The following ASB7 variants were observed in gnomAD, a reference collection of about 807,000 sequenced individuals.
ASB7 encodes the protein ankyrin repeat and SOCS box protein 7.
A neutral mutation model predicts 32.5 loss-of-function variants in ASB7; 4 were observed. The observed-to-expected ratio is 0.12, with a 90% CI of 0.06 to 0.28. The LOEUF (loss-of-function observed/expected upper bound fraction) is 0.28, where lower values mean the gene tolerates loss of function less well. Among genes scored for constraint, ASB7 ranks in the 10% least tolerant of loss-of-function variants. ASB7 has a pLI of 1.00. For synonymous variants in ASB7, 172 were observed against 155.6 expected (o/e 1.11, Z -0.78); for missense variants, 181 against 407.1 (o/e 0.44, Z 4.78).
At chr15:100,622,670 A>G (rs1161797714) in intron 4 of ASB7, among the ~76,000 whole-genome samples, 1 of 152,224 alleles carries the variant, frequency 6.6e-6, no homozygotes, top group African/African-American at 2.4e-5. Context: ...ATTTTCGACA[A>G]AGATAACAAG....
In ASB7 at chr15:100,619,540, G is replaced by T. The variant is rs190365965; in HGVS notation, c.211+7113G>T. Among the ~76,000 whole-genome samples, 206 of 152,320 alleles carry T rather than the reference G, an allele frequency of 1.4e-3. 2 individuals carry two copies. Among genetic ancestry groups the T allele is most frequent in the Non-Finnish European group, 1.3e-3 (89 of 68,034 alleles). ...AGGAAGAAAAGAATTGCCGTTAATT[G>T]AAATGAAGATTAGTAAAGGAGCAGG... On this transcript the variant is annotated intron_variant, in intron 4 of 5. Transcript: ENST00000332783.
At chr15:100,630,304 G>T in intron 5 of ASB7, 2 of 753,844 alleles carry the variant, frequency 2.7e-6, no homozygotes, top group Non-Finnish European at 3.6e-6. Context: ...ACAGAGAGGA[G>T]AATTTTTTTT....
intron 4 of ASB7, among the ~76,000 whole-genome samples, chr15:100,617,639 G>C (rs981824298): frequency 6.6e-6 from 1 of 152,210 alleles, no homozygotes; most frequent in African/African-American, 2.4e-5. Flanking sequence ...TGATACTGTT[G>C]TTCCCTGTGT....
chr15:100,615,014 A>G (rs1339871806), intron 4 of ASB7, among the ~76,000 whole-genome samples: 4 of 152,158 alleles, frequency 2.6e-5, no homozygotes, highest in African/African-American at 7.2e-5. Context: ...TACCTTTTCT[A>G]TGGTTAGGTA....
chr15:100,625,212 C>G (rs912272000), intron 4 of ASB7, among the ~76,000 whole-genome samples: 2 of 152,116 alleles, frequency 1.3e-5, no homozygotes, highest in South Asian at 2.1e-4. Flanking sequence ...TATTCAGCAT[C>G]CTACTGTATG....
intron 3 of ASB7, among the ~76,000 whole-genome samples, chr15:100,611,493 T>TTTTTTTTTTTTTTTTTTTTTTG (rs2039695321): frequency 7.4e-6 from 1 of 135,254 alleles, no homozygotes; most frequent in African/African-American, 2.7e-5. Context: ...TCTTTTTTTT[T>TTTTTTTTTTTTTTTTTTTTTTG]TTTTGAGACA....
At chr15:100,633,035 G>A (rs1222118044) in intron 5 of ASB7, among the ~76,000 whole-genome samples, 4 of 151,880 alleles carry the variant, frequency 2.6e-5, no homozygotes, top group African/African-American at 4.8e-5. Flanking sequence ...CGTCAGGAGC[G>A]CAGCAGGGCC....
chr15:100,635,247 A>G (rs2039914551), intron 5 of ASB7, among the ~76,000 whole-genome samples: 1 of 152,156 alleles, frequency 6.6e-6, no homozygotes, highest in South Asian at 2.1e-4. Flanking sequence ...TTTTACAATT[A>G]CCATCTAATA....
At chr15:100,616,643 T>A (rs1184583534) in intron 4 of ASB7, among the ~76,000 whole-genome samples, 1 of 152,230 alleles carries the variant, frequency 6.6e-6, no homozygotes, top group Non-Finnish European at 1.5e-5. Context: ...GAGTTTTTAT[T>A]TAAAACAACA....
intron 5 of ASB7, chr15:100,645,609 G>A (rs2039992525): frequency 2.5e-6 from 2 of 789,432 alleles, no homozygotes; most frequent in Non-Finnish European, 4.5e-6. Context: ...GAAATCTGCT[G>A]TGGTTCATGG....
At chr15:100,608,773 A>C (rs1350405505) in intron 2 of ASB7, among the ~76,000 whole-genome samples, 1 of 152,222 alleles carries the variant, frequency 6.6e-6, no homozygotes, top group Non-Finnish European at 1.5e-5. Flanking sequence ...CCTTCCTTGA[A>C]GAGGTTTGTC....
At chr15:100,635,213 G>C (rs1274886175) in intron 5 of ASB7, among the ~76,000 whole-genome samples, 1 of 152,132 alleles carries the variant, frequency 6.6e-6, no homozygotes, top group Non-Finnish European at 1.5e-5. Flanking sequence ...CAGAGCTGCT[G>C]CTTATTAAGG....
rs561386410 is a variant in ASB7 at position 100,618,326 on chromosome 15, G to T, written c.211+5899G>T. 2.0e-5 allele frequency among the ~76,000 whole-genome samples: 3 copies of T among 152,028 alleles called. No individual in the cohort carries two copies. The East Asian group carries it at 5.8e-4, about 29-fold the overall frequency. ...GACGGGGTTTCACCATGTTGGCTAGGCTGGTCCCGAACTCCTGATCCCAAG... is the reference window on the plus strand; with the variant it reads ...GACGGGGTTTCACCATGTTGGCTAGTCTGGTCCCGAACTCCTGATCCCAAG... On this transcript the variant is annotated intron_variant, in intron 4 of 5. Transcript: ENST00000332783.
chr15:100,631,110 G>A (rs2039879943), intron 5 of ASB7, among the ~76,000 whole-genome samples: 1 of 152,154 alleles, frequency 6.6e-6, no homozygotes. Flanking sequence ...AAGAAAAGAT[G>A]CAATTATTAT....
At chr15:100,607,851 A>G (rs1403661846) in intron 2 of ASB7, among the ~76,000 whole-genome samples, 1 of 152,178 alleles carries the variant, frequency 6.6e-6, no homozygotes, top group East Asian at 1.9e-4. Context: ...GTTGGGAGAA[A>G]TAGTTTGGCC....
chr15:100,636,849 C>T (rs887519907), intron 5 of ASB7, among the ~76,000 whole-genome samples: 2 of 152,182 alleles, frequency 1.3e-5, no homozygotes, highest in Non-Finnish European at 2.9e-5. Context: ...GAAATCAAAA[C>T]GAATTTCCTA....
intron 2 of ASB7, among the ~76,000 whole-genome samples, chr15:100,605,065 T>C (rs1005810785): frequency 6.6e-6 from 1 of 152,192 alleles, no homozygotes; most frequent in African/African-American, 2.4e-5. Flanking sequence ...TAAGAGAGGA[T>C]AAGTCTTTAC....
At chr15:100,614,621 G>A (rs760612056) in intron 4 of ASB7, among the ~76,000 whole-genome samples, 73 of 152,018 alleles carry the variant, frequency 4.8e-4, no homozygotes, top group African/African-American at 4.6e-4. Flanking sequence ...GAAAAAACCA[G>A]TGAGGGGCTT....
rs546187011 is a variant in ASB7, at chr15:100,633,046, C to T, written c.817+3004C>T. 5.3e-5 allele frequency among the ~76,000 whole-genome samples: 8 copies of T among 152,022 alleles called. No homozygotes were observed. The East Asian group carries it at 1.2e-3, about 22-fold the overall frequency. On this transcript the variant is annotated intron_variant, in intron 5 of 5. Coordinates refer to ENST00000332783, the MANE Select transcript of ASB7 (RefSeq NM_198243.3). The stretch of plus-strand genomic sequence containing the variant: ...AGGACGTCAGGAGCGCAGCAGGGCC[C>T]ATCCATGGAGGAGCCACTTCTCTGT...
Sources: allele counts gnomAD v4.1 joint callset (sites outside exome capture counted in the v4.1 genomes callset), GRCh38; gene constraint gnomAD v4.1.1; transcripts MANE v1.5; gene names NCBI Gene and HGNC (gene_info 2026-07-23, HGNC 2026-07-21).